SSPN: variants seen among roughly 807,000 people sequenced by gnomAD.
SSPN encodes sarcospan.
SSPN carries 15 observed loss-of-function variants against 19.1 expected under a neutral mutation model. The ratio of observed to expected loss-of-function variants is 0.78; its 90% confidence interval spans 0.52 to 1.21. SSPN has a LOEUF of 1.21. Among genes scored for constraint, SSPN ranks in the 50% most tolerant of loss-of-function variants. SSPN has a pLI of 0.00. For missense variants in SSPN, 291 were observed against 314.0 expected (o/e 0.93, Z 0.55); for synonymous variants, 147 against 140.3 (o/e 1.05, Z -0.34).
At chr12:26,146,319 T>C (rs1449452846) in intron 1 of SSPN, among the ~76,000 whole-genome samples, 3 of 152,196 alleles carry the variant, frequency 2.0e-5, no homozygotes, top group Admixed American at 6.5e-5. Flanking sequence ...CCCATGTTCT[T>C]AAGCTGATTT....
chr12:26,202,476 T>G (rs60530440), intron 1 of SSPN, among the ~76,000 whole-genome samples: 12,157 of 152,280 alleles, frequency 0.08, 915 homozygotes, highest in African/African-American at 0.2. Flanking sequence ...GTCATTTGAC[T>G]TATATGCACT....
Position 26,122,498 on chromosome 12 carries a change from C to T in SSPN, c.-31+346C>T, listed in dbSNP as rs1287540548. The T allele has an allele frequency of 4.6e-6, 6 of 1,318,062 alleles. No individual in the cohort carries two copies. The South Asian group carries it at 8.8e-5, about 19-fold the overall frequency. 81.6% of individuals were successfully genotyped at this position (1,318,062 alleles called of 1,614,324 possible). ...AGAAGGGGGCCGCGGCGGCCGCGGG[C>T]TGCGGGAAGGGCGCGCCTCCGCCTC... On this transcript the variant is annotated intron_variant, in intron 1 of 2. Coordinates refer to the SSPN transcript ENST00000538142.
Position 26,198,991 on chromosome 12 carries a change from C to A in SSPN, c.279+3040C>A, listed in dbSNP as rs372185280. On this transcript the variant is annotated intron_variant, in intron 1 of 2. Transcript: ENST00000242729. ...GGCTGAAGCCAAGCTGAGTGAGGCA[C>A]CCACGCTGTCTACAACTTTCCATGC... is the stretch of plus-strand genomic sequence containing the variant. Among the ~76,000 whole-genome samples, 3 of 152,326 alleles carry A rather than the reference C, an allele frequency of 2.0e-5. 1 individual carries two copies. The highest frequency in any genetic ancestry group is 1.3e-4 in the Admixed American group (2 of 15,300).
chr12:26,143,898 T>C (rs1443725394), intron 1 of SSPN, among the ~76,000 whole-genome samples: 1 of 152,166 alleles, frequency 6.6e-6, no homozygotes, highest in East Asian at 1.9e-4. Context: ...ACTGCGCATG[T>C]GAGGGATCTA....
At chr12:26,164,767 A>T (rs1304911736) in intron 1 of SSPN, among the ~76,000 whole-genome samples, 1 of 152,206 alleles carries the variant, frequency 6.6e-6, no homozygotes, top group Non-Finnish European at 1.5e-5. Flanking sequence ...TAAAACAATT[A>T]AAAAACCTGG....
chr12:26,187,938 A>G (rs1012281369), intron 1 of SSPN, among the ~76,000 whole-genome samples: 1 of 152,194 alleles, frequency 6.6e-6, no homozygotes, highest in African/African-American at 2.4e-5. Context: ...GCCGAAGAGA[A>G]ATTGCACAGA....
intron 1 of SSPN, among the ~76,000 whole-genome samples, chr12:26,152,345 G>A (rs1285644761): frequency 1.3e-5 from 2 of 152,084 alleles, no homozygotes; most frequent in Non-Finnish European, 2.9e-5. Flanking sequence ...AAAACAATTA[G>A]GAAGTGATAA....
chr12:26,180,692 C>G (rs1011693881), intron 1 of SSPN: 12 of 152,140 alleles, frequency 7.9e-5, no homozygotes, highest in Admixed American at 6.5e-4. Context: ...TACACAAAAA[C>G]TTGAACAGTA....
At chr12:26,146,410 C>G (rs1422136544) in intron 1 of SSPN, among the ~76,000 whole-genome samples, 1 of 152,174 alleles carries the variant, frequency 6.6e-6, no homozygotes, top group Middle Eastern at 3.2e-3. Context: ...GACATTTATG[C>G]TGTTAAATAG....
intron 2 of SSPN, among the ~76,000 whole-genome samples, chr12:26,227,596 T>TC (rs1330181297): frequency 6.6e-6 from 1 of 152,232 alleles, no homozygotes; most frequent in African/African-American, 2.4e-5. Flanking sequence ...ATTAATATCC[T>TC]CAGTCCTCAG....
chr12:26,164,684 C>G (rs1944610187), intron 1 of SSPN, among the ~76,000 whole-genome samples: 1 of 152,110 alleles, frequency 6.6e-6, no homozygotes, highest in Admixed American at 6.5e-5. Flanking sequence ...CATTTGTATT[C>G]TTGGCTGACT....
intron 1 of SSPN, among the ~76,000 whole-genome samples, chr12:26,184,496 A>G (rs1944739615): frequency 6.6e-6 from 1 of 152,234 alleles, no homozygotes; most frequent in South Asian, 2.1e-4. Context: ...TCACAGAGAA[A>G]GTGGGCTTGG....
intron 1 of SSPN, among the ~76,000 whole-genome samples, chr12:26,127,825 C>G (rs1944375515): frequency 6.6e-6 from 1 of 152,172 alleles, no homozygotes; most frequent in Admixed American, 6.5e-5. Flanking sequence ...TGTTCTTTCT[C>G]AAACTCTTGG....
chr12:26,175,707 A>C (rs1944679167), intron 1 of SSPN, among the ~76,000 whole-genome samples: 1 of 152,202 alleles, frequency 6.6e-6, no homozygotes, highest in Non-Finnish European at 1.5e-5. Context: ...TGAGATATGA[A>C]TCTATAATGG....
At chr12:26,160,282 G>C (rs1944580058) in intron 1 of SSPN, among the ~76,000 whole-genome samples, 1 of 152,212 alleles carries the variant, frequency 6.6e-6, no homozygotes. Context: ...AAATGCCCTT[G>C]TGTACAAATG....
At chr12:26,202,889 C>G (rs551358348) in intron 1 of SSPN, among the ~76,000 whole-genome samples, 1 of 152,282 alleles carries the variant, frequency 6.6e-6, no homozygotes, top group African/African-American at 2.4e-5. Context: ...CTACGTGAGA[C>G]TAATTTATAA....
In SSPN at chr12:26,231,135, C is replaced by G; in HGVS notation, c.*59C>G. On this transcript the variant is annotated 3_prime_UTR_variant, in exon 3 of 3. Transcript: ENST00000242729. Reference sequence around the variant, plus strand: ...CATGGAGTAGCTGAGGTTAAACAAACAAAAAAAAATTTTAAACAAAGAAAG... The same window carrying G: ...CATGGAGTAGCTGAGGTTAAACAAAGAAAAAAAAATTTTAAACAAAGAAAG... 2 of 1,438,520 alleles carry G rather than the reference C, an allele frequency of 1.4e-6. No individual in the cohort carries two copies. Among genetic ancestry groups the G allele is most frequent in the South Asian group, 3.4e-5 (2 of 58,472 alleles). 89.1% of individuals were successfully genotyped at this position (1,438,520 alleles called of 1,614,324 possible). A position where few individuals can be genotyped will look rare whatever the true frequency, so the allele number is the denominator to read the frequency against.
chr12:26,137,656 A>ATATATATTTT (rs1377562695), intron 1 of SSPN, among the ~76,000 whole-genome samples: 1 of 76,434 alleles, frequency 1.3e-5, no homozygotes, highest in Non-Finnish European at 2.2e-5. Flanking sequence ...ATATATATAT[A>ATATATATTTT]TTTTTTTTTT....
chr12:26,129,624 G>A (rs1388767776), intron 1 of SSPN, among the ~76,000 whole-genome samples: 2 of 152,180 alleles, frequency 1.3e-5, no homozygotes, highest in Non-Finnish European at 2.9e-5. Flanking sequence ...CTCAGCAAAT[G>A]AGCAGAAACA....
Sources: gnomAD v4.1 joint callset for allele counts (sites outside exome capture counted in the v4.1 genomes callset) on GRCh38, gnomAD v4.1.1 for gene constraint, MANE v1.5 for transcripts, NCBI Gene and HGNC (gene_info 2026-07-23, HGNC 2026-07-21) for gene names.